The following ABCC10 variants were observed in gnomAD, a reference collection of about 807,000 sequenced individuals.
The protein encoded by ABCC10 is ATP binding cassette subfamily C member 10, also known as ATP-binding cassette sub-family C member 10.
ABCC10 carries 110 observed loss-of-function variants against 143.2 expected under a neutral mutation model. The ratio of observed to expected loss-of-function variants is 0.77; its 90% CI spans 0.66 to 0.90. The LOEUF is 0.90. Among genes scored for constraint, ABCC10 ranks in the 40% least tolerant of loss-of-function variants. The pLI is 0.00. For synonymous variants in ABCC10, 805 were observed against 846.7 expected, an observed-to-expected ratio of 0.95 and a Z score of 0.85; for missense variants, 1,700 against 1,900.5, an observed-to-expected ratio of 0.89 and a Z score of 1.96.
In ABCC10 at chr6:43,442,996, C is replaced by A; in HGVS notation, c.2253C>A (p.Asp751Glu). 1 of 1,605,268 alleles carries A rather than the reference C, an allele frequency of 6.2e-7. No homozygotes were observed. Among genetic ancestry groups the A allele is most frequent in the Non-Finnish European group, 8.5e-7 (1 of 1,176,090 alleles). ...YQEKELYLLD[D>E]PLAAVDADVA... is the part of the protein sequence containing the mutation. The stretch of plus-strand genomic sequence containing the variant: ...AAAAGGAGCTCTATCTCCTCGATGA[C>A]CCTCTGGCCGCTGTGGATGCAGATG... The change falls in exon 10 of 22, where the codon GAC becomes GAA. Residue 751 changes from aspartate (D) to glutamate (E), a missense_variant. By Grantham distance (45) the Asp-to-Glu change is conservative. Transcript: ENST00000372530.
chr6:43,432,102 C>G, intron 2 of ABCC10, 40 bp from the exon 3 acceptor site: 3 of 1,601,934 alleles, frequency 1.9e-6, no homozygotes, highest in Non-Finnish European at 2.6e-6. Context: ...GCTCCTGAGT[C>G]AGCCACGATG....
At position 43,447,352 on chromosome 6, in the gene ABCC10, C is replaced by T. The variant is rs769495385; in HGVS notation, c.3649C>T (p.Arg1217Trp). Residue 1217 changes from arginine to tryptophan, a missense_variant, in exon 17 of 22, where the codon CGG becomes TGG. Physicochemically the swap from Arg to Trp is moderately radical, Grantham distance 101 (BLOSUM62 -3). Transcript: ENST00000372530. ...AGAGGCCATGCTGGTGAGCGTCGAG[C>T]GGCTGGAAGAGTACACCTGTGACCT... Reference protein sequence around the residue: ...QTEAMLVSVERLEEYTCDLPQ... With the variant: ...QTEAMLVSVEWLEEYTCDLPQ... The T allele has an allele frequency of 2.4e-5, 39 of 1,613,074 alleles. No homozygotes were observed. Among genetic ancestry groups the T allele is most frequent in the Middle Eastern group, 1.6e-4 (1 of 6,084 alleles).
At chr6:43,449,854 G>T in intron 21 of ABCC10, 75 bp from the exon 22 acceptor site, 1 of 1,537,220 alleles carries the variant, frequency 6.5e-7, no homozygotes, top group Non-Finnish European at 8.9e-7. Flanking sequence ...GAGGGGAGAG[G>T]AGGGAAAGCA....
At chr6:43,448,764 A>T (rs557845192) in intron 18 of ABCC10, 117 bp from the exon 19 acceptor site, 1 of 1,287,814 alleles carries the variant, frequency 7.8e-7, no homozygotes, top group Non-Finnish European at 1.1e-6. Flanking sequence ...GAGTGGGGTT[A>T]TGTTCAGGTC....
chr6:43,433,470 G>A lies in ABCC10; in HGVS notation c.1380+110G>A, dbSNP rs539289698. 3.4e-4 allele frequency: 494 copies of A among 1,436,410 alleles called. 5 individuals carry two copies. The South Asian group carries it at 7.2e-3, about 21-fold the overall frequency. 89.0% of individuals were successfully genotyped at this position (1,436,410 alleles called of 1,614,324 possible). A position where few individuals can be genotyped will look rare whatever the true frequency, so the allele number is the denominator to read the frequency against. ...GGAGTGAGAGTGACCTCAAAGTTAA[G>A]AGCTGAGACTGGAGAAAGGTAGACC... On this transcript the variant is annotated intron_variant, in intron 3 of 21. Transcript: ENST00000372530.
chr6:43,445,814 G>A lies in ABCC10; in HGVS notation c.3246G>A (p.Gln1082=). Residue 1082 remains glutamine (Q), a synonymous_variant, in exon 15 of 22, where the codon CAG becomes CAA. Transcript: ENST00000372530. ...PPLSIMYYHV[Q]RHYRASSREL... ...TGAGCATCATGTACTATCACGTGCA[G>A]CGCCACTACAGGGCCTCCTCACGGG... 6.2e-7 allele frequency: 1 copy of A among 1,614,104 alleles called. No homozygotes were observed. The highest frequency in any genetic ancestry group is 1.6e-4 in the Middle Eastern group (1 of 6,062).
intron 3 of ABCC10, 50 bp from the exon 4 acceptor site, chr6:43,434,571 A>G: frequency 1.3e-6 from 2 of 1,541,440 alleles, no homozygotes; most frequent in Non-Finnish European, 1.8e-6. Context: ...CAGGGAAGAC[A>G]CATGAGCAGT....
chr6:43,435,712 A>ATC (rs751981030), intron 4 of ABCC10, 39 bp from the exon 5 acceptor site: 42 of 1,603,792 alleles, frequency 2.6e-5, no homozygotes, highest in Non-Finnish European at 3.5e-5. Flanking sequence ...AGGCCCTTAG[A>ATC]TAACTCCTGG....
chr6:43,445,700 C>T lies in ABCC10; in HGVS notation c.3132C>T (p.Asn1044=), dbSNP rs1782980431. The change falls in exon 15 of 22, where the codon AAC becomes AAT. Residue 1044 remains asparagine, a synonymous_variant. Transcript: ENST00000372530. ...ATGACAGCCTGCCCTTCATCCTCAA[C>T]ATCCTCCTGGCCAACGCGGCAGGCC... ...CADDSLPFIL[N]ILLANAAGLL... is the part of the protein sequence containing the mutation. 5 of 1,614,142 alleles carry T rather than the reference C, an allele frequency of 3.1e-6. No homozygotes were observed. Among genetic ancestry groups the T allele is most frequent in the Non-Finnish European group, 4.2e-6 (5 of 1,180,056 alleles).
intron 8 of ABCC10, 36 bp downstream of exon 8, chr6:43,438,831 T>C (rs759219007): frequency 6.2e-6 from 10 of 1,609,224 alleles, no homozygotes; most frequent in Non-Finnish European, 8.5e-6. Flanking sequence ...TAGCTGCCTG[T>C]TTCTCCAGTG....
downstream of ABCC10, chr6:43,450,674 A>T (rs200290716): frequency 6.2e-7 from 1 of 1,613,848 alleles, no homozygotes. This position sits in a 1 kb window ranked among gnomAD's most constrained non-coding sequence, Gnocchi z 4.5. Flanking sequence ...AACAGGGTCC[A>T]GGGGGGCAGA....
rs924231131 is a variant in ABCC10 at position 43,445,883 on chromosome 6, C to T, written c.3315C>T (p.Ser1105=). ...GCCTCACCCTGTCTCCACTGTATAGCCATCTGGCCGATACCTTGGCTGGCC... is the reference window on the plus strand; with the variant it reads ...GCCTCACCCTGTCTCCACTGTATAGTCATCTGGCCGATACCTTGGCTGGCC... The part of the protein sequence containing the change: ...LGSLTLSPLY[S]HLADTLAGLS... Residue 1105 remains serine, a synonymous_variant, in exon 15 of 22, where the codon AGC becomes AGT. Transcript: ENST00000372530. 2.6e-5 allele frequency: 42 copies of T among 1,613,906 alleles called. No individual in the cohort carries two copies. The highest frequency in any genetic ancestry group is 3.5e-5 in the Non-Finnish European group (41 of 1,180,012).
downstream of ABCC10, chr6:43,451,849 C>A: frequency 1.3e-6 from 2 of 1,528,798 alleles, no homozygotes; most frequent in Non-Finnish European, 1.8e-6. This position sits in a 1 kb window ranked among gnomAD's most constrained non-coding sequence, Gnocchi z 4.4. Flanking sequence ...GACTCTCAGT[C>A]CCCCACCCTC....
Position 43,440,601 on chromosome 6 carries a change from C to T in ABCC10, c.2128-1261C>T, listed in dbSNP as rs113691103. The stretch of plus-strand genomic sequence containing the variant: ...AGCCAGGCTTAACAGTGGTGGCTCA[C>T]GCCTGTAATCCCAGCACTTTGGAAG... On this transcript the variant is annotated intron_variant, in intron 8 of 21. Transcript: ENST00000372530. Among the ~76,000 whole-genome samples the T allele has an allele frequency of 8.3e-3, 1,253 of 150,066 alleles. 18 individuals are homozygous for T. The highest frequency in any genetic ancestry group is 0.029 in the African/African-American group (1,182 of 40,260).
downstream of ABCC10, chr6:43,451,248 C>T: frequency 6.2e-7 from 1 of 1,614,046 alleles, no homozygotes; most frequent in Non-Finnish European, 8.5e-7. The surrounding 1 kb of genome is among the most constrained non-coding windows in gnomAD (Gnocchi z 4.4). Flanking sequence ...GTCGTCCTGG[C>T]ACTGCCCGCC....
Position 43,445,759 on chromosome 6 carries a change from T to G in ABCC10, c.3191T>G (p.Leu1064Arg). ...LGLLAVLGSG[L>R]PWLLLLLPPL... The stretch of plus-strand genomic sequence containing the variant: ...CTCCTGGCCGTGCTGGGCTCTGGCC[T>G]GCCCTGGCTGCTGCTCCTGCTGCCG... Residue 1064 changes from leucine (L) to arginine (R), a missense_variant, in exon 15 of 22, where the codon CTG becomes CGG. By Grantham distance (102) the Leu-to-Arg change is moderately radical. Transcript: ENST00000372530. The G allele has an allele frequency of 6.2e-7, 1 of 1,614,172 alleles. No homozygotes were observed. Among genetic ancestry groups the G allele is most frequent in the African/African-American group, 1.3e-5 (1 of 75,076 alleles).
chr6:43,441,968 A>AT lies in ABCC10; in HGVS notation c.2226+8_2226+9insT, dbSNP rs1782520814. On this transcript the variant is annotated intron_variant, in intron 9 of 21. Transcript: ENST00000372530. ...GCTCGTGCTGTCTACCAGGTCAGTT[A>AT]AAGATGGAGGTTGCAGTGGCAGGGA... 6.2e-7 allele frequency: 1 copy of AT among 1,612,886 alleles called. No individual in the cohort carries two copies.
rs1444010275 is a variant in ABCC10 at position 43,427,581 on chromosome 6, A to G, written c.-188A>G. On this transcript the variant is annotated 5_prime_UTR_variant, in exon 1 of 22. Transcript: ENST00000372530. ...CGAATAGCGCCGGCTAGGTCTTCCA[A>G]CCTCTAGGTGGGGTGCCAGCCGGGG... is the stretch of plus-strand genomic sequence containing the variant. The G allele has an allele frequency of 6.5e-6, 2 of 308,314 alleles. No homozygotes were observed. Among genetic ancestry groups the G allele is most frequent in the South Asian group, 2.8e-5 (1 of 35,718 alleles). 19.1% of individuals were successfully genotyped at this position (308,314 alleles called of 1,614,324 possible).
rs1162688459 is a variant in ABCC10, at chr6:43,430,509, C to T, written c.162-1633C>T. Among the ~76,000 whole-genome samples the T allele has an allele frequency of 4.6e-5, 7 of 151,972 alleles. No individual in the cohort carries two copies. The South Asian group carries it at 6.2e-4, about 14-fold the overall frequency. On this transcript the variant is annotated intron_variant, in intron 2 of 21. Transcript: ENST00000372530. ...ACTCGGGAGGCTGAGGCAGGGGAAT[C>T]GCTTGAACCTGGGAGGCGGAGGTTG... is the stretch of plus-strand genomic sequence containing the variant.
Sources: allele counts gnomAD v4.1 joint callset (sites outside exome capture counted in the v4.1 genomes callset), GRCh38; gene constraint gnomAD v4.1.1; non-coding constraint Gnocchi (gnomAD v3.1); transcripts MANE v1.5; gene names NCBI Gene and HGNC (gene_info 2026-07-23, HGNC 2026-07-21).